Variants in DST observed in about 807,000 individuals in gnomAD.
DST encodes bullous pemphigoid antigen.
In DST, 253 loss-of-function variants were observed where a neutral mutation model predicts 875.2. That is an observed-to-expected ratio of 0.29 (90% confidence interval 0.26 to 0.32). The LOEUF (loss-of-function observed/expected upper bound fraction) is 0.32. Among genes scored for constraint, DST ranks in the 10% least tolerant of loss-of-function variants. The probability of loss-of-function intolerance (pLI) is 1.00; values close to 1 mark genes in which losing one functional copy is unlikely to be tolerated. For missense variants in DST, 8,287 were observed against 9,111.6 expected (o/e 0.91, Z 3.68); for synonymous variants, 3,124 against 3,197.1 (o/e 0.98, Z 0.77).
At chr6:56,654,585 G>GCTATATATATAT (rs1563483645) in intron 10 of DST, among the ~76,000 whole-genome samples, 1 of 118,866 alleles carries the variant, frequency 8.4e-6, no homozygotes, top group African/African-American at 5.0e-5. Context: ...TCTCCCCTAG[G>GCTATATATATAT]CTATATATAT....
chr6:56,830,874 AATG>A (rs1444659085), intron 4 of DST, among the ~76,000 whole-genome samples: 4 of 152,162 alleles, frequency 2.6e-5, no homozygotes, highest in Admixed American at 6.5e-5. Context: ...CCACATTATT[AATG>A]ATAACTTTGA....
intron 4 of DST, among the ~76,000 whole-genome samples, chr6:56,849,134 A>ATTTTT (rs755617631): frequency 6.3e-4 from 72 of 114,974 alleles, no homozygotes; most frequent in African/African-American, 1.8e-3. Context: ...AATTCATGCA[A>ATTTTT]TTTTTTTTTT....
intron 4 of DST, among the ~76,000 whole-genome samples, chr6:56,849,219 A>C (rs111791023): frequency 0.17 from 24,194 of 144,848 alleles, 2,229 homozygotes; most frequent in African/African-American, 0.2. Flanking sequence ...TCACTGCAAC[A>C]TCTGCCTCCT....
In DST at chr6:56,608,701, C is replaced by T. The variant is rs751486135; in HGVS notation, c.5927G>A (p.Gly1976Asp). 2 of 1,612,514 alleles carry T rather than the reference C, an allele frequency of 1.2e-6. No individual in the cohort carries two copies. Among genetic ancestry groups the T allele is most frequent in the Non-Finnish European group, 1.7e-6 (2 of 1,179,290 alleles). ...AAACATGGTTTCACGGTCTATGAGA[C>T]CTTCATGAGCTGCTCTTAAAATGCT... The part of the protein sequence containing the change: ...NISILRAAHE[G>D]LIDRETMFRL... The change falls in exon 40 of 104, where the codon GGT (glycine) becomes GAT (aspartate). Residue 1976 changes from glycine to aspartate, a missense_variant. This residue lies in a region of DST where 3,138 missense variants were observed against 3,116.6 expected (regional missense o/e 1.01). Transcript: ENST00000680361.
At chr6:56,472,624 C>G (rs1014172586) in intron 93 of DST, among the ~76,000 whole-genome samples, 38 of 152,142 alleles carry the variant, frequency 2.5e-4, no homozygotes, top group African/African-American at 8.4e-4. Context: ...GCTGTCCTTC[C>G]TAGAGAATAA....
intron 55 of DST, among the ~76,000 whole-genome samples, chr6:56,564,817 T>C (rs2097629242): frequency 6.6e-6 from 1 of 152,222 alleles, no homozygotes. Context: ...TCTGCATCTA[T>C]TGAGATAATA....
At chr6:56,584,165 T>C (rs538412245) in intron 49 of DST, among the ~76,000 whole-genome samples, 24 of 152,250 alleles carry the variant, frequency 1.6e-4, no homozygotes, top group Non-Finnish European at 3.1e-4. Context: ...TGGCACTGAA[T>C]CTATAAATTA....
At chr6:56,804,907 C>T (rs2099751375) in intron 4 of DST, among the ~76,000 whole-genome samples, 1 of 151,974 alleles carries the variant, frequency 6.6e-6, no homozygotes, top group Admixed American at 6.6e-5. Context: ...AATTATATCC[C>T]TTTTAATTCT....
intron 94 of DST, among the ~76,000 whole-genome samples, chr6:56,471,641 T>C (rs1381395598): frequency 1.3e-5 from 2 of 152,176 alleles, no homozygotes; most frequent in Non-Finnish European, 2.9e-5. Context: ...GCCACTCTCT[T>C]AACTCCCCAG....
chr6:56,686,173 A>G (rs1420608470), intron 9 of DST, among the ~76,000 whole-genome samples: 1 of 152,244 alleles, frequency 6.6e-6, no homozygotes, highest in Admixed American at 6.5e-5. Context: ...GCTGGAAGCC[A>G]TTACACTAAG....
intron 9 of DST, among the ~76,000 whole-genome samples, chr6:56,698,517 G>A (rs889446389): frequency 1.3e-5 from 2 of 152,062 alleles, no homozygotes; most frequent in Admixed American, 6.6e-5. Context: ...TAGTAGAGAC[G>A]GGGTTTCACC....
In DST at chr6:56,645,862, C is replaced by A; in HGVS notation, c.1778+4G>T. ...ATTCATGGCAGAAAACACCTCTGGC[C>A]TACCTTTCTACTTCTGGACGAAGGG... On this transcript the variant is annotated splice_donor_region_variant and intron_variant, in intron 15 of 103. Coordinates refer to ENST00000680361, the MANE Select transcript of DST (RefSeq NM_001374736.1). 1 of 1,612,842 alleles carries A rather than the reference C, an allele frequency of 6.2e-7. No individual in the cohort carries two copies. Among genetic ancestry groups the A allele is most frequent in the Non-Finnish European group, 8.5e-7 (1 of 1,179,488 alleles).
At chr6:56,865,676 A>G (rs1010117904) in intron 3 of DST, among the ~76,000 whole-genome samples, 1 of 151,770 alleles carries the variant, frequency 6.6e-6, no homozygotes, top group African/African-American at 2.4e-5. Flanking sequence ...AGTTGAAAGT[A>G]AAAGCTCATT....
Position 56,552,759 on chromosome 6 carries a change from C to G in DST, c.16033G>C (p.Asp5345His), listed in dbSNP as rs758371618. The change falls in exon 61 of 104, where the codon GAC becomes CAC. Residue 5345 changes from aspartate to histidine, a missense_variant. Around this residue, in one of 10 missense-constraint regions of DST, gnomAD observed 1,513 missense variants for 1,677.8 expected, o/e 0.90. Transcript: ENST00000680361. ...AAAACATCAGAGGTTCCCTTTGAGTCTGAGGCCTCTACCACAAGGTCCTGT... is the reference window on the plus strand; with the variant it reads ...AAAACATCAGAGGTTCCCTTTGAGTGTGAGGCCTCTACCACAAGGTCCTGT... ...LAQDLVVEAS[D>H]SKGTSDVLLQ... is the part of the protein sequence containing the mutation. 4 of 1,610,236 alleles carry G rather than the reference C, an allele frequency of 2.5e-6. No homozygotes were observed. The highest frequency in any genetic ancestry group is 1.7e-5 in the Admixed American group (1 of 59,996).
rs748686748 is a variant in DST at position 56,607,801 on chromosome 6, G to A, written c.6827C>T (p.Pro2276Leu). 1 of 1,613,228 alleles carries A rather than the reference G, an allele frequency of 6.2e-7. No individual in the cohort carries two copies. Reference protein sequence around the residue: ...GREKDECTATPSSFNKCHCGE... With the variant: ...GREKDECTATLSSFNKCHCGE... The stretch of plus-strand genomic sequence containing the variant: ...ACAGTGACATTTATTGAAACTACTT[G>A]GTGTAGCTGTACATTCATCCTTTTC... Residue 2276 changes from proline to leucine, a missense_variant, in exon 40 of 104, where the codon CCA becomes CTA. Transcript: ENST00000680361.
intron 60 of DST, 129 bp from the exon 61 acceptor site, chr6:56,553,784 A>AT: frequency 1.2e-6 from 1 of 837,508 alleles, no homozygotes; most frequent in Non-Finnish European, 1.8e-6. Context: ...AGCATTGACT[A>AT]TAAGAACTAC....
chr6:56,824,130 T>A (rs1231960896), intron 4 of DST, among the ~76,000 whole-genome samples: 2 of 152,152 alleles, frequency 1.3e-5, no homozygotes, highest in Non-Finnish European at 2.9e-5. Context: ...TGCCTCAGCC[T>A]GCCGAGTGCC....
chr6:56,678,039 C>G (rs879914512), intron 9 of DST, among the ~76,000 whole-genome samples: 3 of 152,178 alleles, frequency 2.0e-5, no homozygotes, highest in Non-Finnish European at 1.5e-5. Flanking sequence ...TGATGCAAAA[C>G]CAGTGGTTTT....
chr6:56,559,343 A>C (rs2097494429), intron 58 of DST, among the ~76,000 whole-genome samples: 1 of 152,112 alleles, frequency 6.6e-6, no homozygotes, highest in South Asian at 2.1e-4. Context: ...TGAGTGTCAA[A>C]TTAATTACAA....
Sources: gnomAD v4.1 joint callset for allele counts (sites outside exome capture counted in the v4.1 genomes callset) on GRCh38, gnomAD v4.1.1 for gene constraint, gnomAD v4.1.1 regional missense constraint, MANE v1.5 for transcripts, NCBI Gene and HGNC (gene_info 2026-07-23, HGNC 2026-07-21) for gene names.